Variants in IQGAP1 observed in about 807,000 individuals in gnomAD.
IQGAP1 encodes the protein ras GTPase-activating-like protein IQGAP1.
IQGAP1 carries 66 observed loss-of-function variants against 215.6 expected under a neutral mutation model. The observed-to-expected ratio is 0.31, with a 90% CI of 0.25 to 0.38. The LOEUF (loss-of-function observed/expected upper bound fraction) is 0.38, where lower values mean the gene tolerates loss of function less well. Among genes scored for constraint, IQGAP1 ranks in the 10% least tolerant of loss-of-function variants. The pLI is 1.00. For missense variants in IQGAP1, 1,712 were observed against 1,997.1 expected (o/e 0.86, Z 2.72); for synonymous variants, 772 against 728.7 (o/e 1.06, Z -0.96).
intron 26 of IQGAP1, among the ~76,000 whole-genome samples, chr15:90,479,812 A>G (rs1302038349): frequency 1.3e-5 from 2 of 151,998 alleles, no homozygotes; most frequent in East Asian, 1.9e-4. Context: ...TGTTATCAGG[A>G]CTCAGATCAT....
intron 17 of IQGAP1, 123 bp downstream of exon 17, chr15:90,466,559 G>A: frequency 1.1e-6 from 1 of 907,598 alleles, no homozygotes; most frequent in East Asian, 2.7e-5. Flanking sequence ...CAGTACTTAG[G>A]CTCATTTTAA....
intron 5 of IQGAP1, among the ~76,000 whole-genome samples, chr15:90,434,377 G>T (rs1043592310): frequency 5.3e-5 from 8 of 152,010 alleles, no homozygotes; most frequent in Non-Finnish European, 1.2e-4. Context: ...GGCAGAGGTT[G>T]CAGTGAGCCA....
chr15:90,445,255 A>G (rs1478101815), intron 9 of IQGAP1, among the ~76,000 whole-genome samples: 1 of 152,016 alleles, frequency 6.6e-6, no homozygotes, highest in Non-Finnish European at 1.5e-5. Flanking sequence ...GTTGTTAGAC[A>G]TATAATACGA....
At chr15:90,390,406 T>A (rs1306232331) in intron 1 of IQGAP1, among the ~76,000 whole-genome samples, 1 of 152,210 alleles carries the variant, frequency 6.6e-6, no homozygotes, top group Non-Finnish European at 1.5e-5. Context: ...GCCACTTATG[T>A]CTCAATAACT....
At chr15:90,455,782 C>G (rs1403899155) in intron 14 of IQGAP1, among the ~76,000 whole-genome samples, 2 of 152,086 alleles carry the variant, frequency 1.3e-5, no homozygotes, top group Admixed American at 6.5e-5. Context: ...TTTTAAGAAC[C>G]CTTGAACCTT....
intron 13 of IQGAP1, among the ~76,000 whole-genome samples, chr15:90,453,829 T>G (rs1476323160): frequency 6.6e-6 from 1 of 152,218 alleles, no homozygotes; most frequent in African/African-American, 2.4e-5. Flanking sequence ...TTGTCACGAT[T>G]CAGTTCAACA....
intron 18 of IQGAP1, among the ~76,000 whole-genome samples, chr15:90,469,715 G>A (rs926715074): frequency 6.6e-6 from 1 of 152,158 alleles, no homozygotes; most frequent in Admixed American, 6.5e-5. Context: ...GAGTAACATA[G>A]CGTAGATAAT....
intron 18 of IQGAP1, among the ~76,000 whole-genome samples, chr15:90,471,460 A>G (rs1283936882): frequency 7.1e-6 from 1 of 141,550 alleles, no homozygotes; most frequent in Non-Finnish European, 1.5e-5. Flanking sequence ...TTGCCATACT[A>G]CTACTGCTCA....
At chr15:90,455,026 C>CT (rs1244635020) in intron 14 of IQGAP1, among the ~76,000 whole-genome samples, 6 of 152,188 alleles carry the variant, frequency 3.9e-5, no homozygotes, top group Non-Finnish European at 5.9e-5. Flanking sequence ...AAATGCTAGA[C>CT]TTACGATTAA....
chr15:90,407,538 G>C (rs1964896840), intron 2 of IQGAP1, among the ~76,000 whole-genome samples: 1 of 152,186 alleles, frequency 6.6e-6, no homozygotes, highest in Admixed American at 6.5e-5. Flanking sequence ...AACGGTGTCT[G>C]AGCTGCTTTG....
In IQGAP1 at chr15:90,491,423, G is replaced by C. The variant is rs1216101409; in HGVS notation, c.4339G>C (p.Asp1447His). 6.2e-7 allele frequency: 1 copy of C among 1,614,026 alleles called. No homozygotes were observed. The highest frequency in any genetic ancestry group is 1.7e-5 in the Admixed American group (1 of 59,986). ...KMKKSKSVKE[D>H]SNLTLQEKKE... ...GAAAAAGTCAAAATCTGTAAAGGAAGACAGCAACCTCACTCTTCAAGAGAA... is the reference window on the plus strand; with the variant it reads ...GAAAAAGTCAAAATCTGTAAAGGAACACAGCAACCTCACTCTTCAAGAGAA... The change falls in exon 34 of 38, where the codon GAC becomes CAC. Residue 1447 changes from aspartate to histidine, a missense_variant. Asp to His is a moderately conservative substitution (Grantham distance 81, BLOSUM62 -1). Around this residue, in one of 2 missense-constraint regions of IQGAP1, gnomAD observed 691 missense variants for 923.0 expected, o/e 0.75. Coordinates refer to ENST00000268182, the MANE Select transcript of IQGAP1 (RefSeq NM_003870.4).
In IQGAP1 at chr15:90,491,150, A is replaced by G. The variant is rs181209109; in HGVS notation, c.4249-183A>G. ...TAGATATCATCTCTTCTAGGTGGAA[A>G]GAGATGTGCCTCTGCTTCATGCAAT... is the stretch of plus-strand genomic sequence containing the variant. On this transcript the variant is annotated intron_variant, in intron 33 of 37. Transcript: ENST00000268182. Among the ~76,000 whole-genome samples, 300 of 152,330 alleles carry G rather than the reference A, an allele frequency of 2.0e-3. 7 individuals are homozygous for G. The highest frequency in any genetic ancestry group is 0.018 in the Admixed American group (272 of 15,302).
In IQGAP1 at chr15:90,388,368, G is replaced by T; in HGVS notation, c.27G>T (p.Gly9=). 1 of 1,593,088 alleles carries T rather than the reference G, an allele frequency of 6.3e-7. No homozygotes were observed. The highest frequency in any genetic ancestry group is 8.5e-7 in the Non-Finnish European group (1 of 1,171,456). ...TGTCCGCCGCAGACGAGGTTGACGG[G>T]CTGGGCGTGGCCCGGCCGCACTATG... The part of the protein sequence containing the change: MSAADEVD[G]LGVARPHYGS... The change falls in exon 1 of 38, where the codon GGG becomes GGT. Residue 9 remains glycine (G), a synonymous_variant. Transcript: ENST00000268182.
At chr15:90,457,483 A>G (rs1241193229) in intron 15 of IQGAP1, among the ~76,000 whole-genome samples, 1 of 151,532 alleles carries the variant, frequency 6.6e-6, no homozygotes, top group Admixed American at 6.6e-5. Context: ...CTAGAGTGCA[A>G]TGACGCAATC....
At chr15:90,388,952 A>G (rs1013841629) in intron 1 of IQGAP1, among the ~76,000 whole-genome samples, 7 of 152,174 alleles carry the variant, frequency 4.6e-5, no homozygotes, top group Admixed American at 1.3e-4. Flanking sequence ...TAAAGAAAAA[A>G]AAAAGAAGCA....
In IQGAP1 at chr15:90,465,987, T is replaced by C. The variant is rs1302084134; in HGVS notation, c.1777-14T>C. 13 of 1,609,760 alleles carry C rather than the reference T, an allele frequency of 8.1e-6. No individual in the cohort carries two copies. The highest frequency in any genetic ancestry group is 1.1e-5 in the Non-Finnish European group (13 of 1,175,992). On this transcript the variant is annotated splice_polypyrimidine_tract_variant and intron_variant, in intron 15 of 37. Transcript: ENST00000268182. ...ATTTCATGACTTTAATATTTTGCTT[T>C]TAATGATATGTAGGAAATCCAGGAT...
intron 5 of IQGAP1, among the ~76,000 whole-genome samples, 170 bp downstream of exon 5, chr15:90,433,965 T>G (rs1965336301): frequency 1.3e-5 from 2 of 152,170 alleles, no homozygotes; most frequent in Non-Finnish European, 2.9e-5. Flanking sequence ...AGCTGTGTTT[T>G]TCTAGGGAGT....
chr15:90,438,395 C>G (rs1378830054), intron 5 of IQGAP1, among the ~76,000 whole-genome samples: 1 of 152,112 alleles, frequency 6.6e-6, no homozygotes, highest in African/African-American at 2.4e-5. Context: ...ATGCTAGGCT[C>G]TGGGTAAACA....
At chr15:90,403,030 G>A (rs993504346) in intron 2 of IQGAP1, among the ~76,000 whole-genome samples, 2 of 152,078 alleles carry the variant, frequency 1.3e-5, no homozygotes, top group Non-Finnish European at 2.9e-5. Flanking sequence ...CAACACTTAC[G>A]GAGGCCGAGG....
Sources: gnomAD v4.1 joint callset for allele counts (sites outside exome capture counted in the v4.1 genomes callset) on GRCh38, gnomAD v4.1.1 for gene constraint, gnomAD v4.1.1 regional missense constraint, MANE v1.5 for transcripts, NCBI Gene and HGNC (gene_info 2026-07-23, HGNC 2026-07-21) for gene names.